The following FAM187B variants were observed in gnomAD, a reference collection of about 807,000 sequenced individuals.
FAM187B encodes protein FAM187B.
FAM187B carries 22 observed loss-of-function variants against 22.6 expected under a neutral mutation model. The observed-to-expected ratio is 0.97, with a 90% CI of 0.70 to 1.39. FAM187B has a LOEUF of 1.39. Among genes scored for constraint, FAM187B ranks in the 40% most tolerant of loss-of-function variants. The pLI is 0.00. For missense variants in FAM187B, 433 were observed against 462.1 expected (o/e 0.94, Z 0.58); for synonymous variants, 192 against 201.8 (o/e 0.95, Z 0.41).
At chr19:35,227,465 C>T (rs1359698714) in intron 1 of FAM187B, among the ~76,000 whole-genome samples, 1 of 152,136 alleles carries the variant, frequency 6.6e-6, no homozygotes, top group Non-Finnish European at 1.5e-5. Context: ...GGTGATCCAC[C>T]CACCTCGGCC....
At chr19:35,227,466 C>T (rs2065664963) in intron 1 of FAM187B, among the ~76,000 whole-genome samples, 1 of 152,308 alleles carries the variant, frequency 6.6e-6, no homozygotes, top group South Asian at 2.1e-4. Context: ...GTGATCCACC[C>T]ACCTCGGCCT....
At position 35,228,264 on chromosome 19, in the gene FAM187B, C is replaced by A. The variant is rs779942766; in HGVS notation, c.417G>T (p.Gln139His). 1 of 1,614,222 alleles carries A rather than the reference C, an allele frequency of 6.2e-7. No individual in the cohort carries two copies. Among genetic ancestry groups the A allele is most frequent in the Non-Finnish European group, 8.5e-7 (1 of 1,180,042 alleles). Residue 139 changes from glutamine to histidine, a missense_variant, in exon 1 of 2, where the codon CAG (glutamine) becomes CAT (histidine). Coordinates refer to ENST00000324675, the MANE Select transcript of FAM187B (RefSeq NM_152481.2). ...QNETLHLGSKQLIFTWWEPWQ... is the reference protein window; with the variant it reads ...QNETLHLGSKHLIFTWWEPWQ... ...AGGGCTCCCACCAGGTAAAAATGAGCTGTTTGCTGCCCAAATGCAGGGTCT... is the reference window on the plus strand; with the variant it reads ...AGGGCTCCCACCAGGTAAAAATGAGATGTTTGCTGCCCAAATGCAGGGTCT...
In FAM187B at chr19:35,224,811, A is replaced by G. The variant is rs749347594; in HGVS notation, c.*14T>C. On this transcript the variant is annotated 3_prime_UTR_variant, in exon 2 of 2. Transcript: ENST00000324675. ...AACCGGAGGCCGGGTCCGCTTGTGCACCGGGGGCTCGCTTTATTTCACCAC... is the reference window on the plus strand; with the variant it reads ...AACCGGAGGCCGGGTCCGCTTGTGCGCCGGGGGCTCGCTTTATTTCACCAC... 5 of 1,592,728 alleles carry G rather than the reference A, an allele frequency of 3.1e-6. No homozygotes were observed. Among genetic ancestry groups the G allele is most frequent in the African/African-American group, 1.3e-5 (1 of 74,474 alleles).
At position 35,224,974 on chromosome 19, in the gene FAM187B, T is replaced by C. The variant is rs1413657371; in HGVS notation, c.961A>G (p.Lys321Glu). The change falls in exon 2 of 2, where the codon AAG (lysine) becomes GAG (glutamate). Residue 321 changes from lysine to glutamate, a missense_variant. Physicochemically the swap from Lys to Glu is moderately conservative, Grantham distance 56 (BLOSUM62 1). Coordinates refer to ENST00000324675, the MANE Select transcript of FAM187B (RefSeq NM_152481.2). ...GAGTCCGCCCTGCCCCGCAGGGCCT[T>C]CCTTGCCTCCCGCCACTGGGCATCG... is the stretch of plus-strand genomic sequence containing the variant. The part of the protein sequence containing the change: ...ENDAQWREAR[K>E]ALRGRADSVL... The C allele has an allele frequency of 1.2e-6, 2 of 1,613,668 alleles. No individual in the cohort carries two copies. Among genetic ancestry groups the C allele is most frequent in the Non-Finnish European group, 1.7e-6 (2 of 1,179,980 alleles).
At position 35,228,060 on chromosome 19, in the gene FAM187B, A is replaced by T. The variant is rs767739486; in HGVS notation, c.621T>A (p.Asn207Lys). 1 of 1,614,246 alleles carries T rather than the reference A, an allele frequency of 6.2e-7. No individual in the cohort carries two copies. The highest frequency in any genetic ancestry group is 8.5e-7 in the Non-Finnish European group (1 of 1,180,056). The change falls in exon 1 of 2, where the codon AAT becomes AAA. Residue 207 changes from asparagine to lysine, a missense_variant. Coordinates refer to ENST00000324675, the MANE Select transcript of FAM187B (RefSeq NM_152481.2). ...QVEACHVQCTNNTQLRVDYVI... is the reference protein window; with the variant it reads ...QVEACHVQCTKNTQLRVDYVI... Reference sequence around the variant, plus strand: ...CGTAATCCACCCTTAACTGTGTGTTATTGGTGCACTGGACGTGGCAGGCTT... The same window carrying T: ...CGTAATCCACCCTTAACTGTGTGTTTTTGGTGCACTGGACGTGGCAGGCTT...
chr19:35,227,313 G>A (rs957216537), intron 1 of FAM187B, among the ~76,000 whole-genome samples: 3 of 151,822 alleles, frequency 2.0e-5, no homozygotes, highest in Admixed American at 6.6e-5. Flanking sequence ...TCCGCCTCCC[G>A]GGTTCAAGTG....
rs771334684 is a variant in FAM187B, at chr19:35,228,641, G to T, written c.40C>A (p.Pro14Thr). The T allele has an allele frequency of 2.5e-6, 4 of 1,612,716 alleles. No individual in the cohort carries two copies. The East Asian group carries it at 8.9e-5, about 36-fold the overall frequency. The change falls in exon 1 of 2, where the codon CCG becomes ACG. Residue 14 changes from proline (P) to threonine (T), a missense_variant. Physicochemically the swap from Pro to Thr is conservative, Grantham distance 38. Coordinates refer to ENST00000324675, the MANE Select transcript of FAM187B (RefSeq NM_152481.2). Reference protein sequence around the residue: ...MLWLLLHFAAPALGFYFSISC... With the variant: ...MLWLLLHFAATALGFYFSISC... The stretch of plus-strand genomic sequence containing the variant: ...ATGGAAAAGTAGAACCCCAGTGCCG[G>T]GGCAGCAAAGTGGAGCAGCAGCCAC...
At position 35,227,646 on chromosome 19, in the gene FAM187B, C is replaced by T. The variant is rs550360370; in HGVS notation, c.722+313G>A. ...GGAGGCAGGCCTTGATGGGAAGCCC[C>T]GGGGGCACCAGCCTCTCCTCCAAGG... On this transcript the variant is annotated intron_variant, in intron 1 of 1. Transcript: ENST00000324675. Among the ~76,000 whole-genome samples, 128 of 152,214 alleles carry T rather than the reference C, an allele frequency of 8.4e-4. 1 individual carries two copies. Among genetic ancestry groups the T allele is most frequent in the Non-Finnish European group, 1.5e-3 (100 of 67,980 alleles).
At chr19:35,225,324 G>A (rs2065658587) in intron 1 of FAM187B, 112 bp from the exon 2 acceptor site, 6 of 1,315,858 alleles carry the variant, frequency 4.6e-6, no homozygotes, top group African/African-American at 3.0e-5. Flanking sequence ...CACCCCCCAC[G>A]GAGCACTGTG....
intron 1 of FAM187B, among the ~76,000 whole-genome samples, chr19:35,226,367 A>G (rs1010542512): frequency 6.6e-6 from 1 of 152,100 alleles, no homozygotes; most frequent in Non-Finnish European, 1.5e-5. Context: ...GGAGGCTGAG[A>G]TGGGAGAATC....
Position 35,228,541 on chromosome 19 carries a change from G to A in FAM187B, c.140C>T (p.Ser47Leu), listed in dbSNP as rs376101370. Residue 47 changes from serine to leucine, a missense_variant, in exon 1 of 2, where the codon TCG (serine) becomes TTG (leucine). Ser to Leu is a moderately radical substitution (Grantham distance 145, BLOSUM62 -2). Coordinates refer to ENST00000324675, the MANE Select transcript of FAM187B (RefSeq NM_152481.2). ...GNDILLYCNS[S>L]GAHWYYLFTQ... ...GAATAAATAGTACCAGTGCGCCCCC[G>A]AGGAGTTGCAATACAGGAGAATATC... The A allele has an allele frequency of 7.4e-6, 12 of 1,614,074 alleles. No individual in the cohort carries two copies. Among genetic ancestry groups the A allele is most frequent in the East Asian group, 2.2e-5 (1 of 44,900 alleles).
At chr19:35,226,939 C>T (rs1255199042) in intron 1 of FAM187B, among the ~76,000 whole-genome samples, 1 of 152,118 alleles carries the variant, frequency 6.6e-6, no homozygotes, top group Non-Finnish European at 1.5e-5. Context: ...AAGGTGGGCC[C>T]TCAATCCCAT....
At position 35,228,461 on chromosome 19, in the gene FAM187B, TTTCCATA is replaced by T; in HGVS notation, c.213_219del (p.Asn71LysfsTer2). 6.2e-7 allele frequency: 1 copy of T among 1,614,220 alleles called. No individual in the cohort carries two copies. The highest frequency in any genetic ancestry group is 8.5e-7 in the Non-Finnish European group (1 of 1,180,046). ...ATGAGAAGGCTGCCCTCGGGCATTATTTCCATATTGGAAATATTGGTGAGGCTGGTGA... is the reference window on the plus strand; with the variant it reads ...ATGAGAAGGCTGCCCTCGGGCATTATTTGGAAATATTGGTGAGGCTGGTGA... On this transcript the variant is annotated frameshift_variant, in exon 1 of 2. Transcript: ENST00000324675. LOFTEE classifies it high-confidence loss of function.
chr19:35,226,446 G>C (rs965491066), intron 1 of FAM187B, among the ~76,000 whole-genome samples: 1 of 152,128 alleles, frequency 6.6e-6, no homozygotes, highest in Non-Finnish European at 1.5e-5. Flanking sequence ...CAGGGTGAAA[G>C]AGCAAGACCC....
chr19:35,225,370 G>T (rs1202590871), intron 1 of FAM187B, among the ~76,000 whole-genome samples, 158 bp from the exon 2 acceptor site: 2 of 135,760 alleles, frequency 1.5e-5, no homozygotes. Context: ...GGCACAGCTG[G>T]GGGCTCCCAG....
Position 35,225,174 on chromosome 19 carries a change from C to A in FAM187B, c.761G>T (p.Trp254Leu), listed in dbSNP as rs867476544. ...GTCCTGGCCGGAGAGCTGGCTCTCC[C>A]ACGTCAGGGGGGTGTCGTTGGCACG... The part of the protein sequence containing the change: ...NWRANDTPLT[W>L]ESQLSGQDFT... The change falls in exon 2 of 2, where the codon TGG (tryptophan) becomes TTG (leucine). Residue 254 changes from tryptophan to leucine, a missense_variant. Transcript: ENST00000324675. 1 of 1,538,022 alleles carries A rather than the reference C, an allele frequency of 6.5e-7. No homozygotes were observed. Among genetic ancestry groups the A allele is most frequent in the East Asian group, 2.3e-5 (1 of 43,688 alleles).
chr19:35,228,715 C>T lies in FAM187B; in HGVS notation c.-35G>A. 6.4e-7 allele frequency: 1 copy of T among 1,567,710 alleles called. No individual in the cohort carries two copies. The highest frequency in any genetic ancestry group is 8.6e-7 in the Non-Finnish European group (1 of 1,161,040). On this transcript the variant is annotated 5_prime_UTR_variant, in exon 1 of 2. It adds an upstream start codon to the 5' untranslated region. Coordinates refer to ENST00000324675, the MANE Select transcript of FAM187B (RefSeq NM_152481.2). ...GGGCTGTGGCAGTGGGCTGGTGCCA[C>T]CCCGAACATTGTGAGGTCACCCATG...
chr19:35,227,118 G>C (rs1428048561), intron 1 of FAM187B, among the ~76,000 whole-genome samples: 1 of 152,160 alleles, frequency 6.6e-6, no homozygotes, highest in Non-Finnish European at 1.5e-5. Flanking sequence ...ATTCTGCCCA[G>C]CTCACTCAGA....
rs776518239 is a variant in FAM187B, at chr19:35,228,206, C to T, written c.475G>A (p.Glu159Lys). Residue 159 changes from glutamate to lysine, a missense_variant, in exon 1 of 2, where the codon GAG becomes AAG. Coordinates refer to ENST00000324675, the MANE Select transcript of FAM187B (RefSeq NM_152481.2). ...TAGCGGTACCCCAGGCGTTTACACT[C>T]GCCCGGCTCCTCACAGCGGTTGCAG... is the stretch of plus-strand genomic sequence containing the variant. ...QDCNRCEEPG[E>K]CKRLGYRYIE... 23 of 1,614,030 alleles carry T rather than the reference C, an allele frequency of 1.4e-5. No individual in the cohort carries two copies. The highest frequency in any genetic ancestry group is 1.7e-5 in the Non-Finnish European group (20 of 1,179,998).
Sources: gnomAD v4.1 joint callset for allele counts (sites outside exome capture counted in the v4.1 genomes callset) on GRCh38, gnomAD v4.1.1 for gene constraint, MANE v1.5 for transcripts, NCBI Gene and HGNC (gene_info 2026-07-23, HGNC 2026-07-21) for gene names.